The following SEPSECS variants were observed in gnomAD, a reference collection of about 807,000 sequenced individuals.
The protein encoded by SEPSECS is Sep (O-phosphoserine) tRNA:Sec (selenocysteine) tRNA synthase, also known as O-phosphoseryl-tRNA(Sec) selenium transferase.
A neutral mutation model predicts 52.1 loss-of-function variants in SEPSECS; 42 were observed. The observed-to-expected ratio is 0.81, with a 90% CI of 0.63 to 1.04. SEPSECS has a LOEUF of 1.04. Ranked by LOEUF, SEPSECS falls within the 50% of genes least tolerant of loss-of-function variation. SEPSECS has a pLI of 0.00. For missense variants in SEPSECS, 590 were observed against 610.6 expected (o/e 0.97, Z 0.36); for synonymous variants, 216 against 211.4 (o/e 1.02, Z -0.19).
intron 10 of SEPSECS, 108 bp from the exon 11 acceptor site, chr4:25,124,333 G>C: frequency 9.9e-7 from 1 of 1,010,676 alleles, no homozygotes; most frequent in Non-Finnish European, 1.5e-6. Flanking sequence ...TTATTACGAA[G>C]TTTAAAACAG....
intron 8 of SEPSECS, among the ~76,000 whole-genome samples, chr4:25,134,177 G>A (rs918228342): frequency 1.5e-4 from 22 of 144,364 alleles, no homozygotes; most frequent in African/African-American, 5.7e-4. Flanking sequence ...AATGGAAATC[G>A]GTATCAAAAT....
chr4:25,125,381 G>A, intron 10 of SEPSECS: 1 of 279,664 alleles, frequency 3.6e-6, no homozygotes, highest in Non-Finnish European at 6.8e-6. Flanking sequence ...ATACCATAAT[G>A]TGACTTGCTG....
rs1413144605 is a variant in SEPSECS, at chr4:25,160,374, G to A, written c.-5C>T. 7.8e-6 allele frequency: 12 copies of A among 1,544,684 alleles called. No individual in the cohort carries two copies. Among genetic ancestry groups the A allele is most frequent in the Non-Finnish European group, 1.8e-6 (2 of 1,142,238 alleles). Reference sequence around the variant, plus strand: ...CGCGAAGCTCTCGCGGTTCATGACAGCGGTGGCGACAGTGGCGAATAAGCG... The same window carrying A: ...CGCGAAGCTCTCGCGGTTCATGACAACGGTGGCGACAGTGGCGAATAAGCG... On this transcript the variant is annotated 5_prime_UTR_variant, in exon 1 of 11. Transcript: ENST00000382103.
chr4:25,127,587 T>C (rs1728433802), intron 8 of SEPSECS, among the ~76,000 whole-genome samples: 1 of 152,168 alleles, frequency 6.6e-6, no homozygotes, highest in African/African-American at 2.4e-5. Context: ...CCCTTCACTA[T>C]TACATATCTA....
chr4:25,159,493 C>T (rs752664433), intron 1 of SEPSECS: 4 of 366,162 alleles, frequency 1.1e-5, no homozygotes, highest in East Asian at 9.8e-5. Context: ...TTTGGCCACG[C>T]GCTGTAGCTC....
At chr4:25,152,393 C>T (rs1245951549) in intron 5 of SEPSECS, among the ~76,000 whole-genome samples, 2 of 152,028 alleles carry the variant, frequency 1.3e-5, no homozygotes, top group Non-Finnish European at 2.9e-5. Flanking sequence ...TGACCCCTCA[C>T]AAGATGGTAT....
At chr4:25,160,194 C>T in intron 1 of SEPSECS, 62 bp downstream of exon 1, 1 of 1,543,330 alleles carries the variant, frequency 6.5e-7, no homozygotes, top group Middle Eastern at 1.9e-4. Flanking sequence ...CCAGCGGGGA[C>T]GCCCGGCGGA....
At chr4:25,160,157 C>G in intron 1 of SEPSECS, 99 bp downstream of exon 1, 3 of 1,526,808 alleles carry the variant, frequency 2.0e-6, no homozygotes, top group South Asian at 2.4e-5. Flanking sequence ...TAGTCTCAAG[C>G]AGCGAAGAGC....
At chr4:25,132,877 A>G (rs1171606373) in intron 8 of SEPSECS, among the ~76,000 whole-genome samples, 9 of 152,220 alleles carry the variant, frequency 5.9e-5, no homozygotes, top group Non-Finnish European at 7.3e-5. Context: ...TAAGACGGAA[A>G]GCGCACAGAC....
At chr4:25,159,448 G>A in intron 1 of SEPSECS, 1 of 343,760 alleles carries the variant, frequency 2.9e-6, no homozygotes, top group East Asian at 8.8e-5. Context: ...GGTGGGACGT[G>A]GAGAAGGGCG....
At chr4:25,147,726 C>CCTTAAG (rs1306204183) in intron 6 of SEPSECS, among the ~76,000 whole-genome samples, 1 of 151,824 alleles carries the variant, frequency 6.6e-6, no homozygotes. Context: ...ATATGCTCAG[C>CCTTAAG]CTTAAGTCAT....
At position 25,121,368 on chromosome 4, in the gene SEPSECS, T is replaced by C. The variant is rs1728117972; in HGVS notation, c.*2563A>G. 6.6e-6 allele frequency: 1 copy of C among 152,170 alleles called. No homozygotes were observed. Among genetic ancestry groups the C allele is most frequent in the Admixed American group, 6.6e-5 (1 of 15,266 alleles). The allele number at this position is 152,170 out of a possible 1,614,324, so 9.4% of individuals were successfully genotyped here. ...CCACAGCCCAATGACTTTAAAAACC[T>C]AACTCCAATATTTTACCTGATAGTT... is the stretch of plus-strand genomic sequence containing the variant. On this transcript the variant is annotated 3_prime_UTR_variant, in exon 11 of 11. Transcript: ENST00000382103.
chr4:25,143,079 T>C (rs956122818), intron 8 of SEPSECS, among the ~76,000 whole-genome samples: 2 of 152,210 alleles, frequency 1.3e-5, no homozygotes, highest in Non-Finnish European at 2.9e-5. Context: ...ATCTGTTTTC[T>C]TGAAAGATTT....
chr4:25,157,791 C>T (rs1203839269), intron 2 of SEPSECS, among the ~76,000 whole-genome samples: 1 of 149,190 alleles, frequency 6.7e-6, no homozygotes, highest in Non-Finnish European at 1.5e-5. Context: ...GTGATCCGCC[C>T]GCCTTGGCCT....
At position 25,122,985 on chromosome 4, in the gene SEPSECS, G is replaced by T. The variant is rs1310737046; in HGVS notation, c.*946C>A. On this transcript the variant is annotated 3_prime_UTR_variant, in exon 11 of 11. Transcript: ENST00000382103. The stretch of plus-strand genomic sequence containing the variant: ...TGAACAAACTAACCAATATATGCAG[G>T]CTGCTTAAAGCAAAAACAGTAAGTG... The T allele has an allele frequency of 6.6e-6, 1 of 152,064 alleles. No individual in the cohort carries two copies. Among genetic ancestry groups the T allele is most frequent in the African/African-American group, 2.4e-5 (1 of 41,404 alleles). The allele number at this position is 152,064 out of a possible 1,614,324, so 9.4% of individuals were successfully genotyped here. A position where few individuals can be genotyped will look rare whatever the true frequency, so the allele number is the denominator to read the frequency against.
intron 5 of SEPSECS, 32 bp from the exon 6 acceptor site, chr4:25,152,094 A>G (rs763319697): frequency 8.3e-7 from 1 of 1,210,288 alleles, no homozygotes; most frequent in Non-Finnish European, 1.2e-6. Context: ...AGAAAGACAT[A>G]CTCACACTGT....
intron 8 of SEPSECS, among the ~76,000 whole-genome samples, chr4:25,134,283 A>C (rs1728738120): frequency 1.3e-5 from 2 of 151,596 alleles, no homozygotes; most frequent in African/African-American, 4.8e-5. Flanking sequence ...GTTCAAGCCC[A>C]GCCTGAGCAG....
At chr4:25,154,758 G>C (rs1047189540) in intron 5 of SEPSECS, among the ~76,000 whole-genome samples, 1 of 152,120 alleles carries the variant, frequency 6.6e-6, no homozygotes, top group African/African-American at 2.4e-5. Context: ...GAGACGGTCT[G>C]CATCGACTCA....
At position 25,153,175 on chromosome 4, in the gene SEPSECS, T is replaced by C. The variant is rs188076317; in HGVS notation, c.702-1113A>G. ...CATTTTCACAAACCCTACAAATTGATATAGACATCCTTTTTGTTACTTCAA... is the reference window on the plus strand; with the variant it reads ...CATTTTCACAAACCCTACAAATTGACATAGACATCCTTTTTGTTACTTCAA... On this transcript the variant is annotated intron_variant, in intron 5 of 10. Transcript: ENST00000382103. 4.1e-3 allele frequency among the ~76,000 whole-genome samples: 624 copies of C among 152,062 alleles called. 2 individuals carry two copies. Among genetic ancestry groups the C allele is most frequent in the Admixed American group, 6.7e-3 (102 of 15,282 alleles).
Sources: allele counts gnomAD v4.1 joint callset (sites outside exome capture counted in the v4.1 genomes callset), GRCh38; gene constraint gnomAD v4.1.1; transcripts MANE v1.5; gene names NCBI Gene and HGNC (gene_info 2026-07-23, HGNC 2026-07-21).